Variants in ZC3H13 observed in about 807,000 individuals in gnomAD.
The protein encoded by ZC3H13 is zinc finger CCCH-type containing 13, also known as zinc finger CCCH domain-containing protein 13.
In ZC3H13, 64 loss-of-function variants were observed where a neutral mutation model predicts 204.1. The ratio of observed to expected loss-of-function variants is 0.31; its 90% CI spans 0.26 to 0.39. The LOEUF (loss-of-function observed/expected upper bound fraction) is 0.39, where lower values mean the gene tolerates loss of function less well. Ranked by LOEUF, ZC3H13 falls within the 10% of genes least tolerant of loss-of-function variation. The pLI is 1.00. For missense variants in ZC3H13, 1,833 were observed against 2,082.7 expected, an observed-to-expected ratio of 0.88 and a Z score of 2.33; for synonymous variants, 667 against 693.7, an observed-to-expected ratio of 0.96 and a Z score of 0.60.
intron 8 of ZC3H13, among the ~76,000 whole-genome samples, chr13:46,000,940 A>T (rs1947506044): frequency 6.6e-6 from 1 of 152,166 alleles, no homozygotes; most frequent in African/African-American, 2.4e-5. Context: ...CAGAGGCCCA[A>T]GGAGATGGTG....
chr13:46,027,435 T>A lies in ZC3H13; in HGVS notation c.340-6878A>T, dbSNP rs1053267396. On this transcript the variant is annotated intron_variant, in intron 4 of 18. Coordinates refer to ENST00000679008, the MANE Select transcript of ZC3H13 (RefSeq NM_001330564.2). ...CTGTGTCTGGTGAGATTTCTTTACATAACTCTATGCAAACAAGTTTGAAAA... is the reference window on the plus strand; with the variant it reads ...CTGTGTCTGGTGAGATTTCTTTACAAAACTCTATGCAAACAAGTTTGAAAA... Among the ~76,000 whole-genome samples the A allele has an allele frequency of 2.0e-5, 3 of 152,342 alleles. No individual in the cohort carries two copies. The East Asian group carries it at 5.8e-4, about 29-fold the overall frequency.
rs778487766 is a variant in ZC3H13 at position 46,020,568 on chromosome 13, AC to A, written c.340-12del. Reference sequence around the variant, plus strand: ...TCTTGAAGATTCTTTCTAAAAAAGTACATACATACATTCAGATTACTATATT... The same window carrying A: ...TCTTGAAGATTCTTTCTAAAAAAGTAATACATACATTCAGATTACTATATT... On this transcript the variant is annotated splice_polypyrimidine_tract_variant and intron_variant, in intron 4 of 18. Coordinates refer to ENST00000679008, the MANE Select transcript of ZC3H13 (RefSeq NM_001330564.2). 1 of 1,528,884 alleles carries A rather than the reference AC, an allele frequency of 6.5e-7. No homozygotes were observed. The highest frequency in any genetic ancestry group is 9.0e-7 in the Non-Finnish European group (1 of 1,114,856). 94.7% of individuals were successfully genotyped at this position (1,528,884 alleles called of 1,614,324 possible).
At chr13:45,979,385 G>T (rs561076343) in intron 11 of ZC3H13, among the ~76,000 whole-genome samples, 1 of 151,418 alleles carries the variant, frequency 6.6e-6, no homozygotes, top group African/African-American at 2.4e-5. Flanking sequence ...CTATCATTCA[G>T]TTTTTTTTTA....
At position 45,985,438 on chromosome 13, in the gene ZC3H13, G is replaced by C; in HGVS notation, c.1579C>G (p.Arg527Gly). Reference sequence around the variant, plus strand: ...CTCAAATGGTTTCGGCCATAACTCCGGGATTCTTCTGGATATGTATCCTCC... The same window carrying C: ...CTCAAATGGTTTCGGCCATAACTCCCGGATTCTTCTGGATATGTATCCTCC... The part of the protein sequence containing the change: ...RKEDTYPEES[R>G]SYGRNHLREE... The change falls in exon 10 of 19, where the codon CGG (arginine) becomes GGG (glycine). Residue 527 changes from arginine to glycine, a missense_variant. Physicochemically the swap from Arg to Gly is moderately radical, Grantham distance 125. Coordinates refer to ENST00000679008, the MANE Select transcript of ZC3H13 (RefSeq NM_001330564.2). 2 of 1,614,102 alleles carry C rather than the reference G, an allele frequency of 1.2e-6. No homozygotes were observed. Among genetic ancestry groups the C allele is most frequent in the Non-Finnish European group, 1.7e-6 (2 of 1,180,016 alleles).
chr13:46,021,073 T>C (rs1242300907), intron 4 of ZC3H13, among the ~76,000 whole-genome samples: 3 of 152,020 alleles, frequency 2.0e-5, no homozygotes, highest in Non-Finnish European at 4.4e-5. Context: ...CTAGGACTTG[T>C]CATATATTCA....
Position 45,963,823 on chromosome 13 carries a change from T to TA in ZC3H13, c.4675+18dup, listed in dbSNP as rs767658343. On this transcript the variant is annotated intron_variant, in intron 17 of 18. Coordinates refer to ENST00000679008, the MANE Select transcript of ZC3H13 (RefSeq NM_001330564.2). ...AAATGGTTAACAGACATTATATAGT[T>TA]AAAGTAAAATGAAACTACCTTTGGG... The TA allele has an allele frequency of 1.2e-5, 20 of 1,613,412 alleles. No homozygotes were observed. The African/African-American group carries it at 2.7e-4, about 22-fold the overall frequency.
rs570857164 is a variant in ZC3H13, at chr13:46,018,847, T to C, written c.448+1602A>G. Among the ~76,000 whole-genome samples, 10 of 152,274 alleles carry C rather than the reference T, an allele frequency of 6.6e-5. No individual in the cohort carries two copies. In the East Asian group the frequency reaches 1.9e-3, roughly 29 times the overall value. ...CAAATACATTTTAAAATGTTTTTTA[T>C]GCAAAAAAATTAAAATGAAAAGAAA... is the stretch of plus-strand genomic sequence containing the variant. On this transcript the variant is annotated intron_variant, in intron 5 of 18. Coordinates refer to ENST00000679008, the MANE Select transcript of ZC3H13 (RefSeq NM_001330564.2).
chr13:45,981,357 A>G (rs868581435), intron 10 of ZC3H13, among the ~76,000 whole-genome samples: 4 of 152,192 alleles, frequency 2.6e-5, no homozygotes, highest in Non-Finnish European at 4.4e-5. Context: ...GTGTATATGT[A>G]CCACATTTTC....
chr13:45,995,147 A>G (rs1204640952), intron 8 of ZC3H13, among the ~76,000 whole-genome samples: 2 of 152,164 alleles, frequency 1.3e-5, no homozygotes. Flanking sequence ...AATTGACTCT[A>G]TATTATGCAT....
intron 3 of ZC3H13, among the ~76,000 whole-genome samples, chr13:46,044,476 C>T (rs2404732): frequency 6.6e-6 from 1 of 151,962 alleles, no homozygotes; most frequent in South Asian, 2.1e-4. Flanking sequence ...CATATAAATA[C>T]ATATTTTCAT....
intron 4 of ZC3H13, among the ~76,000 whole-genome samples, chr13:46,029,531 C>T (rs916236482): frequency 6.6e-6 from 1 of 150,922 alleles, no homozygotes; most frequent in African/African-American, 2.4e-5. Context: ...CGGGTTCACG[C>T]CATTCTCCTG....
chr13:45,992,271 G>A (rs1416863899), intron 8 of ZC3H13, among the ~76,000 whole-genome samples: 1 of 152,032 alleles, frequency 6.6e-6, no homozygotes, highest in South Asian at 2.1e-4. Context: ...AATATTAAGT[G>A]AGCACATACT....
At chr13:46,017,255 T>C (rs1309710634) in intron 5 of ZC3H13, among the ~76,000 whole-genome samples, 1 of 152,146 alleles carries the variant, frequency 6.6e-6, no homozygotes, top group Non-Finnish European at 1.5e-5. Flanking sequence ...GGTCTGAGGA[T>C]ACCTAGGAGG....
At chr13:46,033,438 G>A (rs1215652427) in intron 4 of ZC3H13, among the ~76,000 whole-genome samples, 2 of 152,056 alleles carry the variant, frequency 1.3e-5, no homozygotes, top group African/African-American at 4.8e-5. Flanking sequence ...ACTATTAAAT[G>A]TAATGTAAGG....
At chr13:45,992,144 T>C (rs898152798) in intron 8 of ZC3H13, among the ~76,000 whole-genome samples, 1 of 152,136 alleles carries the variant, frequency 6.6e-6, no homozygotes, top group Non-Finnish European at 1.5e-5. Context: ...ACCAAAATCA[T>C]CTCTGTTTTC....
At chr13:46,046,233 A>C (rs1302628383) in intron 1 of ZC3H13, among the ~76,000 whole-genome samples, 1 of 152,216 alleles carries the variant, frequency 6.6e-6, no homozygotes. Context: ...ACACTGACAT[A>C]AAATTCAAAG....
At chr13:46,034,991 C>T (rs2043126254) in intron 4 of ZC3H13, among the ~76,000 whole-genome samples, 1 of 152,170 alleles carries the variant, frequency 6.6e-6, no homozygotes, top group African/African-American at 2.4e-5. Flanking sequence ...AACAATACCC[C>T]ACTAGCACAA....
chr13:45,963,028 G>A (rs1366278537), intron 17 of ZC3H13: 13 of 985,318 alleles, frequency 1.3e-5, no homozygotes, highest in Non-Finnish European at 1.4e-5. Context: ...TATTTTCAAA[G>A]TAGCAGTTAA....
intron 1 of ZC3H13, among the ~76,000 whole-genome samples, chr13:46,049,890 C>T (rs1369533079): frequency 6.6e-6 from 1 of 152,036 alleles, no homozygotes; most frequent in Non-Finnish European, 1.5e-5. Flanking sequence ...ATACCAATAA[C>T]TTACTAATTT....
Sources: gnomAD v4.1 joint callset for allele counts (sites outside exome capture counted in the v4.1 genomes callset) on GRCh38, gnomAD v4.1.1 for gene constraint, MANE v1.5 for transcripts, NCBI Gene and HGNC (gene_info 2026-07-23, HGNC 2026-07-21) for gene names.